LMCD1: variants seen among roughly 807,000 people sequenced by gnomAD.
The protein encoded by LMCD1 is LIM and cysteine-rich domains protein 1.
LMCD1 carries 32 observed loss-of-function variants against 42.7 expected under a neutral mutation model. The ratio of observed to expected loss-of-function variants is 0.75; its 90% CI spans 0.57 to 1.01. LMCD1 has a LOEUF of 1.01. Ranked by LOEUF, LMCD1 falls within the 50% of genes least tolerant of loss-of-function variation. The pLI, the probability that LMCD1 is intolerant of heterozygous loss-of-function variation, is 0.00. For missense variants in LMCD1, 458 were observed against 483.1 expected, an observed-to-expected ratio of 0.95 and a Z score of 0.49; for synonymous variants, 178 against 184.9, an observed-to-expected ratio of 0.96 and a Z score of 0.30.
intron 4 of LMCD1, among the ~76,000 whole-genome samples, chr3:8,557,517 C>A (rs746774452): frequency 6.6e-6 from 1 of 152,118 alleles, no homozygotes; most frequent in Non-Finnish European, 1.5e-5. Flanking sequence ...TCTGGCAAAC[C>A]CGAGACAGAG....
intron 1 of LMCD1, among the ~76,000 whole-genome samples, chr3:8,515,743 A>G (rs190106630): frequency 1.7e-4 from 26 of 152,252 alleles, no homozygotes; most frequent in Admixed American, 4.6e-4. Flanking sequence ...GACAGGGACA[A>G]GGAATTCTGA....
At chr3:8,513,720 A>T (rs1489654045) in intron 1 of LMCD1, among the ~76,000 whole-genome samples, 1 of 152,236 alleles carries the variant, frequency 6.6e-6, no homozygotes, top group Non-Finnish European at 1.5e-5. Flanking sequence ...TAAAGTTGTC[A>T]TCGCTTATTA....
intron 4 of LMCD1, among the ~76,000 whole-genome samples, chr3:8,552,086 A>G (rs982479150): frequency 1.4e-4 from 22 of 152,234 alleles, no homozygotes; most frequent in Admixed American, 1.2e-3. Context: ...CTGCCTGTTT[A>G]TCATCTTAAT....
chr3:8,560,331 A>G (rs1695010381), intron 4 of LMCD1, among the ~76,000 whole-genome samples: 1 of 152,156 alleles, frequency 6.6e-6, no homozygotes, highest in Admixed American at 6.5e-5. Flanking sequence ...CCTGGGTTCA[A>G]AGCCACCCAT....
chr3:8,548,307 T>C (rs891234834), intron 3 of LMCD1, among the ~76,000 whole-genome samples: 1 of 151,972 alleles, frequency 6.6e-6, no homozygotes, highest in Admixed American at 6.5e-5. Context: ...AGCTAAGGGA[T>C]GCGTGTTTTT....
intron 3 of LMCD1, among the ~76,000 whole-genome samples, chr3:8,539,958 G>A (rs1254992658): frequency 6.6e-6 from 1 of 151,732 alleles, no homozygotes; most frequent in Non-Finnish European, 1.5e-5. Context: ...TTCTCCTAAT[G>A]CTATCCCTCC....
chr3:8,518,159 G>A (rs922336855), intron 1 of LMCD1, among the ~76,000 whole-genome samples: 1 of 152,144 alleles, frequency 6.6e-6, no homozygotes, highest in African/African-American at 2.4e-5. Flanking sequence ...AACATGCACA[G>A]AGCTCCCCCA....
intron 1 of LMCD1, among the ~76,000 whole-genome samples, chr3:8,531,364 GTCTGC>G (rs1694408894): frequency 6.6e-6 from 1 of 152,128 alleles, no homozygotes; most frequent in Non-Finnish European, 1.5e-5. Context: ...AGAAGAAGTA[GTCTGC>G]TCTAATAAAC....
intron 1 of LMCD1, among the ~76,000 whole-genome samples, chr3:8,521,622 C>T (rs1694207181): frequency 6.6e-6 from 1 of 152,180 alleles, no homozygotes; most frequent in Non-Finnish European, 1.5e-5. Flanking sequence ...AGTCTTATCA[C>T]CTCTTTGTCT....
At chr3:8,502,612 G>A (rs955473893) in intron 1 of LMCD1, among the ~76,000 whole-genome samples, 4 of 142,446 alleles carry the variant, frequency 2.8e-5, no homozygotes, top group Non-Finnish European at 4.5e-5. Context: ...ACACACGCAC[G>A]CAGTTTCTTT....
chr3:8,523,804 C>T (rs1243923655), intron 1 of LMCD1, among the ~76,000 whole-genome samples: 1 of 152,220 alleles, frequency 6.6e-6, no homozygotes, highest in Non-Finnish European at 1.5e-5. Context: ...TTCACCTTCC[C>T]TCAGCATCCC....
chr3:8,547,621 G>A (rs768662944), intron 3 of LMCD1, among the ~76,000 whole-genome samples: 5 of 152,178 alleles, frequency 3.3e-5, no homozygotes, highest in African/African-American at 9.7e-5. Context: ...AGCCAGGCGC[G>A]GTGGCTCATG....
chr3:8,524,566 G>A (rs1367344306), intron 1 of LMCD1, among the ~76,000 whole-genome samples: 1 of 152,206 alleles, frequency 6.6e-6, no homozygotes, highest in Non-Finnish European at 1.5e-5. Context: ...TCTCCTTGTA[G>A]GGAATGGTGG....
At position 8,565,547 on chromosome 3, in the gene LMCD1, A is replaced by T; in HGVS notation, c.839A>T (p.Glu280Val). 2 of 1,614,098 alleles carry T rather than the reference A, an allele frequency of 1.2e-6. No homozygotes were observed. The highest frequency in any genetic ancestry group is 1.7e-6 in the Non-Finnish European group (2 of 1,180,006). Residue 280 changes from glutamate to valine, a missense_variant, in exon 5 of 6, where the codon GAG (glutamate) becomes GTG (valine). By Grantham distance (121) the Glu-to-Val change is moderately radical. Transcript: ENST00000157600. Reference protein sequence around the residue: ...PTCFVCAKCSEPLVDLIYFWK... With the variant: ...PTCFVCAKCSVPLVDLIYFWK... The stretch of plus-strand genomic sequence containing the variant: ...TGCTTTGTGTGTGCCAAGTGCTCCG[A>T]GCCGCTGGTGGACCTCATCTACTTC...
In LMCD1 at chr3:8,555,849, C is replaced by T. The variant is rs57078197; in HGVS notation, c.723+6946C>T. 8.0e-3 allele frequency among the ~76,000 whole-genome samples: 1,207 copies of T among 150,022 alleles called. 16 individuals are homozygous for T. The highest frequency in any genetic ancestry group is 0.029 in the African/African-American group (1,174 of 40,552). On this transcript the variant is annotated intron_variant, in intron 4 of 5. Coordinates refer to ENST00000157600, the MANE Select transcript of LMCD1 (RefSeq NM_014583.4). ...TTTTCAGGCCACATGGTCTCTGTCACGACTAATTAACACAGCTCTTGAAGC... is the reference window on the plus strand; with the variant it reads ...TTTTCAGGCCACATGGTCTCTGTCATGACTAATTAACACAGCTCTTGAAGC...
At chr3:8,563,059 A>G (rs1695067617) in intron 4 of LMCD1, among the ~76,000 whole-genome samples, 1 of 152,170 alleles carries the variant, frequency 6.6e-6, no homozygotes, top group African/African-American at 2.4e-5. Context: ...GTTGTCCCCT[A>G]AGTAGGAAGT....
intron 1 of LMCD1, among the ~76,000 whole-genome samples, chr3:8,529,746 A>T (rs1694375814): frequency 6.6e-6 from 1 of 152,234 alleles, no homozygotes; most frequent in Admixed American, 6.5e-5. Context: ...TAGAAAAAAT[A>T]GTTCCTCTGA....
At chr3:8,547,273 A>G (rs1319023303) in intron 3 of LMCD1, among the ~76,000 whole-genome samples, 1 of 152,228 alleles carries the variant, frequency 6.6e-6, no homozygotes, top group African/African-American at 2.4e-5. Context: ...GGGCTGGCCC[A>G]GTCACAGGAG....
At chr3:8,549,293 T>C (rs1345496006) in intron 4 of LMCD1, among the ~76,000 whole-genome samples, 1 of 151,990 alleles carries the variant, frequency 6.6e-6, no homozygotes, top group Non-Finnish European at 1.5e-5. Flanking sequence ...GAGGTGAGCA[T>C]TTGCAAAAAG....
Sources: gnomAD v4.1 joint callset for allele counts (sites outside exome capture counted in the v4.1 genomes callset) on GRCh38, gnomAD v4.1.1 for gene constraint, MANE v1.5 for transcripts, NCBI Gene and HGNC (gene_info 2026-07-23, HGNC 2026-07-21) for gene names.